The following CLDN16 variants were observed in gnomAD, a reference collection of about 807,000 sequenced individuals.
The protein encoded by CLDN16 is claudin-16.
In CLDN16, 13 loss-of-function variants were observed where a neutral mutation model predicts 24.6. The ratio of observed to expected loss-of-function variants is 0.53; its 90% CI spans 0.34 to 0.84. CLDN16 has a LOEUF of 0.84. Among genes scored for constraint, CLDN16 ranks in the 40% least tolerant of loss-of-function variants. The pLI, the probability that CLDN16 is intolerant of heterozygous loss-of-function variation, is 0.01. For synonymous variants in CLDN16, 116 were observed against 106.7 expected (o/e 1.09, Z -0.54); for missense variants, 298 against 292.7 (o/e 1.02, Z -0.13).
the CLDN16 span, among the ~76,000 whole-genome samples, chr3:190,316,355 T>C: frequency 5.9e-5 from 9 of 152,226 alleles, no homozygotes; most frequent in South Asian, 2.1e-4. Flanking sequence ...CTTTGCTTCA[T>C]TGGAGATATT....
chr3:190,397,586 AAATAT>A (rs1419336462), intron 1 of CLDN16, among the ~76,000 whole-genome samples: 1 of 152,206 alleles, frequency 6.6e-6, no homozygotes, highest in African/African-American at 2.4e-5. Context: ...GAGCATTCCT[AAATAT>A]AATAAAAAAC....
At chr3:190,331,203 GAATTTGA>G (rs1213249212) in intron 1 of CLDN16, among the ~76,000 whole-genome samples, 2 of 152,156 alleles carry the variant, frequency 1.3e-5, no homozygotes, top group African/African-American at 4.8e-5. Context: ...ATCCTGGCTG[GAATTTGA>G]ATGCAAACAG....
At chr3:190,359,830 A>G (rs1409316367) in intron 1 of CLDN16, among the ~76,000 whole-genome samples, 1 of 152,036 alleles carries the variant, frequency 6.6e-6, no homozygotes, top group Non-Finnish European at 1.5e-5. Flanking sequence ...AATTAAAGAG[A>G]AAGAAATGTT....
At chr3:190,379,592 C>T (rs1053828513) in intron 3 of CLDN16, among the ~76,000 whole-genome samples, 1 of 152,060 alleles carries the variant, frequency 6.6e-6, no homozygotes, top group African/African-American at 2.4e-5. Flanking sequence ...AACAAACAAA[C>T]AACATCATCA....
the CLDN16 span, among the ~76,000 whole-genome samples, chr3:190,304,790 G>A: frequency 1.3e-5 from 2 of 152,140 alleles, no homozygotes; most frequent in Non-Finnish European, 2.9e-5. Flanking sequence ...TAGGAATAAT[G>A]ACAGGCTGAA....
chr3:190,318,219 C>T (rs1163774143), upstream of CLDN16, among the ~76,000 whole-genome samples: 1 of 152,158 alleles, frequency 6.6e-6, no homozygotes, highest in East Asian at 1.9e-4. Flanking sequence ...TACCACTTTT[C>T]AGGATGTCCT....
chr3:190,358,273 C>T (rs567980145), intron 1 of CLDN16, among the ~76,000 whole-genome samples: 30 of 151,762 alleles, frequency 2.0e-4, no homozygotes, highest in African/African-American at 4.1e-4. Context: ...TAATAAGAGC[C>T]GCTGAGAGTT....
the CLDN16 span, among the ~76,000 whole-genome samples, chr3:190,312,387 G>A: frequency 6.6e-6 from 1 of 151,830 alleles, no homozygotes; most frequent in Non-Finnish European, 1.5e-5. Context: ...TTGATCTACA[G>A]GCACATCCTG....
intron 1 of CLDN16, among the ~76,000 whole-genome samples, chr3:190,368,388 T>C (rs920784187): frequency 3.9e-5 from 6 of 151,946 alleles, no homozygotes; most frequent in African/African-American, 1.2e-4. Context: ...GATGAGACTA[T>C]AGCCTTAGCC....
chr3:190,352,680 G>A (rs564362962), intron 1 of CLDN16, among the ~76,000 whole-genome samples: 16 of 151,958 alleles, frequency 1.1e-4, no homozygotes, highest in Admixed American at 9.2e-4. Flanking sequence ...ATAAGCAAAA[G>A]CTACTATTCT....
chr3:190,309,779 T>G, the CLDN16 span, among the ~76,000 whole-genome samples: 234 of 152,326 alleles, frequency 1.5e-3, 1 homozygote, highest in Middle Eastern at 6.8e-3. Flanking sequence ...GTATAATTTT[T>G]CTCAATCAAT....
chr3:190,381,724 TA>T (rs1160685993), intron 3 of CLDN16, among the ~76,000 whole-genome samples: 1 of 152,058 alleles, frequency 6.6e-6, no homozygotes, highest in Non-Finnish European at 1.5e-5. Context: ...TGTGCTGAGT[TA>T]AGAACACACC....
At chr3:190,383,448 A>G (rs1718414074), upstream of CLDN16, among the ~76,000 whole-genome samples, 1 of 152,140 alleles carries the variant, frequency 6.6e-6, no homozygotes, top group Non-Finnish European at 1.5e-5. Flanking sequence ...TAGCAGACAC[A>G]TTGCCTACAT....
chr3:190,367,905 G>A (rs972251482), intron 1 of CLDN16, among the ~76,000 whole-genome samples: 2 of 151,784 alleles, frequency 1.3e-5, no homozygotes, highest in Non-Finnish European at 2.9e-5. Context: ...CTTCCCAAAA[G>A]TCTCTGCAAT....
In CLDN16 at chr3:190,388,321, C is replaced by T; in HGVS notation, c.-9C>T. The T allele has an allele frequency of 6.2e-7, 1 of 1,614,120 alleles. No individual in the cohort carries two copies. The highest frequency in any genetic ancestry group is 8.5e-7 in the Non-Finnish European group (1 of 1,180,010). ...CCCATGTTGCCATCCTGATGGGCTG[C>T]TTGCCACAATGAGGGATCTTCTTCA... On this transcript the variant is annotated 5_prime_UTR_variant, in exon 1 of 5. Coordinates refer to ENST00000264734, the MANE Select transcript of CLDN16 (RefSeq NM_006580.4).
At chr3:190,312,198 TG>T in the CLDN16 span, among the ~76,000 whole-genome samples, 1 of 152,126 alleles carries the variant, frequency 6.6e-6, no homozygotes. Context: ...CCAAAAGTGC[TG>T]GGATTACAGG....
chr3:190,371,449 C>G (rs1718140957), intron 2 of CLDN16, among the ~76,000 whole-genome samples: 1 of 151,886 alleles, frequency 6.6e-6, no homozygotes, highest in Admixed American at 6.6e-5. Context: ...GATATAGGAA[C>G]AAGTGCATCT....
At chr3:190,322,339 G>A (rs1291307590), upstream of CLDN16, 2 of 817,934 alleles carry the variant, frequency 2.4e-6, no homozygotes, top group Admixed American at 2.0e-5. Context: ...CCTGCTCGCT[G>A]CGCCGCCGCT....
chr3:190,322,421 T>G, upstream of CLDN16: 2 of 587,334 alleles, frequency 3.4e-6, no homozygotes, highest in Non-Finnish European at 6.1e-6. Context: ...GAAGCTGCGG[T>G]TGCTCCCAGG....
Sources: gnomAD v4.1 joint callset for allele counts (sites outside exome capture counted in the v4.1 genomes callset) on GRCh38, gnomAD v4.1.1 for gene constraint, MANE v1.5 for transcripts, NCBI Gene and HGNC (gene_info 2026-07-23, HGNC 2026-07-21) for gene names.